The following LAMC3 variants were observed in gnomAD, a reference collection of about 807,000 sequenced individuals.
The protein encoded by LAMC3 is laminin subunit gamma-3.
Under a neutral mutation model 173.8 loss-of-function variants are expected in LAMC3, and 128 were observed. The observed-to-expected ratio is 0.74, with a 90% CI of 0.64 to 0.85. The LOEUF (loss-of-function observed/expected upper bound fraction) is 0.85. LAMC3 is among the 40% of genes least tolerant of loss of function. The probability of loss-of-function intolerance (pLI) is 0.00; values close to 1 mark genes in which losing one functional copy is unlikely to be tolerated. For missense variants in LAMC3, 2,022 were observed against 2,156.0 expected (o/e 0.94, Z 1.23); for synonymous variants, 897 against 909.1 (o/e 0.99, Z 0.24).
intron 6 of LAMC3, among the ~76,000 whole-genome samples, chr9:131,039,974 C>T (rs1009551116): frequency 1.2e-4 from 17 of 143,714 alleles, no homozygotes; most frequent in African/African-American, 4.3e-4. Flanking sequence ...GGCCAAAAAA[C>T]AAAAACAAAA....
intron 11 of LAMC3, among the ~76,000 whole-genome samples, chr9:131,055,198 C>T (rs552945939): frequency 2.0e-5 from 3 of 152,214 alleles, no homozygotes; most frequent in Non-Finnish European, 2.9e-5. Context: ...CCATTTTGAT[C>T]CACACTGCCA....
chr9:131,089,184 G>A (rs1830380565), intron 27 of LAMC3, among the ~76,000 whole-genome samples: 1 of 114,064 alleles, frequency 8.8e-6, no homozygotes, highest in African/African-American at 3.4e-5. Flanking sequence ...ATCGGGTGGG[G>A]GGAGGGGGGA....
chr9:131,086,354 A>G (rs1830330589), intron 25 of LAMC3, among the ~76,000 whole-genome samples: 1 of 149,118 alleles, frequency 6.7e-6, no homozygotes, highest in African/African-American at 2.5e-5. Context: ...CTGGGATTAC[A>G]GGTGTGAGCC....
rs76650468 is a variant in LAMC3 at position 131,085,200 on chromosome 9, G to T, written c.4031-324G>T. 4.7e-4 allele frequency among the ~76,000 whole-genome samples: 71 copies of T among 152,208 alleles called. No homozygotes were observed. In the East Asian group the frequency reaches 0.012, roughly 25 times the overall value. ...GACGTAGGCAGTACATGAAAATGCC[G>T]AGCTGAGCAGACTGAGCCATGGACT... On this transcript the variant is annotated intron_variant, in intron 24 of 27. Transcript: ENST00000361069.
intron 24 of LAMC3, among the ~76,000 whole-genome samples, chr9:131,083,086 A>G (rs566501838): frequency 6.6e-6 from 1 of 152,182 alleles, no homozygotes; most frequent in Non-Finnish European, 1.5e-5. Context: ...GGTACATTCA[A>G]TGACTTATAA....
intron 2 of LAMC3, among the ~76,000 whole-genome samples, chr9:131,028,788 C>G (rs758729017): frequency 6.6e-6 from 1 of 152,202 alleles, no homozygotes; most frequent in Non-Finnish European, 1.5e-5. Context: ...TGACAGTGTG[C>G]GTAGAGTACT....
chr9:131,034,790 C>T (rs1302012317), intron 3 of LAMC3, among the ~76,000 whole-genome samples: 3 of 152,210 alleles, frequency 2.0e-5, no homozygotes, highest in Non-Finnish European at 4.4e-5. Context: ...CAGGCTCTGC[C>T]GAGCATGCCG....
chr9:131,028,262 C>T (rs1328399103), intron 2 of LAMC3, among the ~76,000 whole-genome samples: 1 of 152,266 alleles, frequency 6.6e-6, no homozygotes, highest in South Asian at 2.1e-4. Context: ...CTACCCCGTT[C>T]GTGGAAAAAT....
At chr9:131,030,932 G>A (rs745690103) in intron 2 of LAMC3, among the ~76,000 whole-genome samples, 4 of 152,362 alleles carry the variant, frequency 2.6e-5, no homozygotes, top group Admixed American at 6.5e-5. Flanking sequence ...CTGAATGCAC[G>A]CTGAGCTTTG....
At chr9:131,021,420 A>T (rs890303714) in intron 1 of LAMC3, 2 of 152,134 alleles carry the variant, frequency 1.3e-5, no homozygotes, top group African/African-American at 2.4e-5. Context: ...AACACTTGTT[A>T]TCTTCTGTTT....
rs150704392 is a variant in LAMC3 at position 131,049,697 on chromosome 9, T to A, written c.1630+567T>A. ...CATAGCTTTGTCATGGAGGGCTTCT[T>A]CAGTGCCACAGGGCCATAGCCACTG... is the stretch of plus-strand genomic sequence containing the variant. On this transcript the variant is annotated intron_variant, in intron 9 of 27. Transcript: ENST00000361069. 2.2e-3 allele frequency among the ~76,000 whole-genome samples: 339 copies of A among 152,302 alleles called. 1 individual carries two copies. The highest frequency in any genetic ancestry group is 7.8e-3 in the African/African-American group (325 of 41,564).
intron 8 of LAMC3, 67 bp downstream of exon 8, chr9:131,045,727 T>G: frequency 6.4e-7 from 1 of 1,557,942 alleles, no homozygotes; most frequent in Non-Finnish European, 8.8e-7. Context: ...GATCCTGCCC[T>G]GGGGAGATCT....
At position 131,068,123 on chromosome 9, in the gene LAMC3, G is replaced by C; in HGVS notation, c.2639G>C (p.Cys880Ser). 1 of 1,612,940 alleles carries C rather than the reference G, an allele frequency of 6.2e-7. No homozygotes were observed. ...GGCTCGGTCAGTGAGCAGATGCCCT[G>C]CGACCCAGTGACAGGCCAATGCTCC... Reference protein sequence around the residue: ...PQGSVSEQMPCDPVTGQCSCL... With the variant: ...PQGSVSEQMPSDPVTGQCSCL... Residue 880 changes from cysteine to serine, a missense_variant, in exon 15 of 28, where the codon TGC (cysteine) becomes TCC (serine). Physicochemically the swap from Cys to Ser is moderately radical, Grantham distance 112. Coordinates refer to ENST00000361069, the MANE Select transcript of LAMC3 (RefSeq NM_006059.4).
intron 19 of LAMC3, among the ~76,000 whole-genome samples, 182 bp downstream of exon 19, chr9:131,073,017 G>C (rs1830063458): frequency 6.6e-6 from 1 of 152,202 alleles, no homozygotes; most frequent in Non-Finnish European, 1.5e-5. Context: ...TTTGCAAAGG[G>C]CGAGGCATGT....
At chr9:131,016,246 G>C (rs1001902317) in intron 1 of LAMC3, among the ~76,000 whole-genome samples, 13 of 152,296 alleles carry the variant, frequency 8.5e-5, no homozygotes, top group African/African-American at 2.9e-4. Context: ...GCCAGGGGCT[G>C]GGGGAGGGGC....
At chr9:131,045,807 G>C in intron 8 of LAMC3, 147 bp downstream of exon 8, 1 of 997,224 alleles carries the variant, frequency 1.0e-6, no homozygotes, top group South Asian at 1.4e-5. Flanking sequence ...TCGGGGGTGA[G>C]ATGATGGCTC....
chr9:131,091,795 C>T lies in LAMC3; in HGVS notation c.*8C>T. 6.2e-7 allele frequency: 1 copy of T among 1,611,636 alleles called. No individual in the cohort carries two copies. Among genetic ancestry groups the T allele is most frequent in the Non-Finnish European group, 8.5e-7 (1 of 1,179,932 alleles). ...TGTGCCAGCTGGCAGTGAGGGCTGC[C>T]CAGATCCCCGGCACACACTCCCCCA... On this transcript the variant is annotated 3_prime_UTR_variant, in exon 28 of 28. Coordinates refer to ENST00000361069, the MANE Select transcript of LAMC3 (RefSeq NM_006059.4).
intron 24 of LAMC3, among the ~76,000 whole-genome samples, chr9:131,085,283 T>C (rs1043766451): frequency 1.3e-5 from 2 of 152,226 alleles, no homozygotes; most frequent in African/African-American, 2.4e-5. Context: ...TTGACTTTAA[T>C]AGACATCCTA....
chr9:131,075,474 G>A (rs1588165836), intron 20 of LAMC3, among the ~76,000 whole-genome samples: 2 of 150,438 alleles, frequency 1.3e-5, no homozygotes, highest in East Asian at 3.9e-4. Context: ...TGAGGTAGGA[G>A]AATCACTTGA....
Sources: gnomAD v4.1 joint callset for allele counts (sites outside exome capture counted in the v4.1 genomes callset) on GRCh38, gnomAD v4.1.1 for gene constraint, MANE v1.5 for transcripts, NCBI Gene and HGNC (gene_info 2026-07-23, HGNC 2026-07-21) for gene names.